CDH12: variants seen among roughly 807,000 people sequenced by gnomAD.
The protein encoded by CDH12 is cadherin-12.
CDH12 carries 41 observed loss-of-function variants against 74.1 expected under a neutral mutation model. The observed-to-expected ratio is 0.55, with a 90% CI of 0.43 to 0.72. The LOEUF (loss-of-function observed/expected upper bound fraction) is 0.72, where lower values mean the gene tolerates loss of function less well. Among genes scored for constraint, CDH12 ranks in the 30% least tolerant of loss-of-function variants. The probability of loss-of-function intolerance (pLI) is 0.00; values close to 1 mark genes in which losing one functional copy is unlikely to be tolerated. For missense variants in CDH12, 945 were observed against 977.2 expected, an observed-to-expected ratio of 0.97 and a Z score of 0.44; for synonymous variants, 399 against 355.0, an observed-to-expected ratio of 1.12 and a Z score of -1.39.
chr5:22,023,577 C>CTA (rs1186675387), intron 5 of CDH12, among the ~76,000 whole-genome samples: 31 of 149,076 alleles, frequency 2.1e-4, no homozygotes, highest in African/African-American at 7.2e-4. Flanking sequence ...TATTCTCTCT[C>CTA]TCTATATATA....
intron 1 of CDH12, among the ~76,000 whole-genome samples, chr5:22,667,050 C>T (rs773137987): frequency 2.0e-5 from 3 of 152,168 alleles, no homozygotes; most frequent in Non-Finnish European, 2.9e-5. Context: ...AGGATCCTTG[C>T]ACACATTAGT....
intron 9 of CDH12, among the ~76,000 whole-genome samples, chr5:21,804,651 C>G (rs1400707411): frequency 1.0e-5 from 1 of 98,344 alleles, no homozygotes; most frequent in Admixed American, 1.0e-4. Context: ...AAAACACACA[C>G]ACACACACAC....
intron 3 of CDH12, among the ~76,000 whole-genome samples, chr5:22,331,732 T>C (rs1335024076): frequency 6.6e-6 from 1 of 152,200 alleles, no homozygotes; most frequent in Non-Finnish European, 1.5e-5. Context: ...TCACAATAGC[T>C]GTTTTGATGA....
chr5:22,807,070 T>G (rs1218694553), intron 1 of CDH12, among the ~76,000 whole-genome samples: 1 of 152,220 alleles, frequency 6.6e-6, no homozygotes, highest in East Asian at 1.9e-4. Flanking sequence ...TGAATGGTAT[T>G]GCCTAGATTT....
chr5:22,256,442 C>A (rs1368018337), intron 3 of CDH12, among the ~76,000 whole-genome samples: 3 of 152,080 alleles, frequency 2.0e-5, no homozygotes, highest in Non-Finnish European at 4.4e-5. Context: ...ATAGCACATG[C>A]AATTATGTAC....
At chr5:22,443,475 A>G (rs769081950) in intron 2 of CDH12, among the ~76,000 whole-genome samples, 6 of 152,110 alleles carry the variant, frequency 3.9e-5, no homozygotes, top group Non-Finnish European at 7.4e-5. Context: ...ACAGCTGTCA[A>G]TTGGGTGGTA....
chr5:21,903,521 G>T (rs952458532), intron 6 of CDH12, among the ~76,000 whole-genome samples: 3 of 152,066 alleles, frequency 2.0e-5, no homozygotes, highest in African/African-American at 7.2e-5. Flanking sequence ...CTTAAAGGGG[G>T]AAAAGAGTGT....
At chr5:22,610,337 T>G (rs192146693) in intron 1 of CDH12, among the ~76,000 whole-genome samples, 1 of 152,174 alleles carries the variant, frequency 6.6e-6, no homozygotes, top group South Asian at 2.1e-4. Flanking sequence ...TTCCATTGAG[T>G]CTTCACATAT....
intron 4 of CDH12, among the ~76,000 whole-genome samples, chr5:22,160,555 G>A (rs1045970923): frequency 3.3e-5 from 5 of 152,124 alleles, no homozygotes; most frequent in Admixed American, 3.3e-4. Context: ...CATTCAGGCT[G>A]CTATAACTAA....
At chr5:22,563,018 A>G (rs1293856407) in intron 1 of CDH12, among the ~76,000 whole-genome samples, 1 of 147,644 alleles carries the variant, frequency 6.8e-6, no homozygotes, top group Non-Finnish European at 1.5e-5. Flanking sequence ...ATATATTTCT[A>G]TATTTAAATG....
At chr5:22,277,110 C>T (rs1465235803) in intron 3 of CDH12, among the ~76,000 whole-genome samples, 6 of 152,136 alleles carry the variant, frequency 3.9e-5, no homozygotes, top group Non-Finnish European at 8.8e-5. Flanking sequence ...TTTTGTGCCG[C>T]CTGTGGCAGT....
rs114214231 is a variant in CDH12 at position 22,434,660 on chromosome 5, T to C, written c.-427-29309A>G. ...ATGCACAATCTTGCAGACTTTTATA[T>C]AACGTCATTTTAATGCAGGGGCTAT... On this transcript the variant is annotated intron_variant, in intron 2 of 14. Transcript: ENST00000382254. Among the ~76,000 whole-genome samples, 776 of 152,278 alleles carry C rather than the reference T, an allele frequency of 5.1e-3. 10 individuals carry two copies. Among genetic ancestry groups the C allele is most frequent in the African/African-American group, 0.018 (743 of 41,572 alleles).
chr5:22,092,282 T>C (rs977012854), intron 4 of CDH12, among the ~76,000 whole-genome samples: 9 of 151,996 alleles, frequency 5.9e-5, no homozygotes, highest in Non-Finnish European at 8.8e-5. Context: ...TTTAGGAAAA[T>C]TAGCAATTTC....
intron 5 of CDH12, among the ~76,000 whole-genome samples, chr5:22,003,824 CA>C (rs775995801): frequency 0.02 from 956 of 47,380 alleles, 1 homozygote; most frequent in African/African-American, 0.041. Context: ...CCCGCTTCCA[CA>C]AAAAAAAAAA....
intron 3 of CDH12, among the ~76,000 whole-genome samples, chr5:22,370,501 A>C (rs1741236912): frequency 6.6e-6 from 1 of 152,212 alleles, no homozygotes; most frequent in Non-Finnish European, 1.5e-5. Flanking sequence ...AATAATTTAT[A>C]ACACATAGGT....
chr5:21,965,349 G>A (rs1047981621), intron 6 of CDH12, among the ~76,000 whole-genome samples: 3 of 151,846 alleles, frequency 2.0e-5, no homozygotes, highest in Non-Finnish European at 2.9e-5. Context: ...TGGTTATTCC[G>A]GCTGCCACCA....
chr5:21,789,106 CTAAAT>C (rs1345493230), intron 10 of CDH12, among the ~76,000 whole-genome samples: 4 of 151,854 alleles, frequency 2.6e-5, no homozygotes, highest in Non-Finnish European at 4.4e-5. Context: ...CACATTCATA[CTAAAT>C]TAGAGTAAAA....
At chr5:22,275,226 T>C (rs549430455) in intron 3 of CDH12, among the ~76,000 whole-genome samples, 2 of 152,096 alleles carry the variant, frequency 1.3e-5, no homozygotes, top group Admixed American at 6.5e-5. Flanking sequence ...CAAACCACCA[T>C]GGCACATGTA....
chr5:22,247,824 A>G (rs1753006364), intron 3 of CDH12, among the ~76,000 whole-genome samples: 1 of 152,194 alleles, frequency 6.6e-6, no homozygotes, highest in Non-Finnish European at 1.5e-5. Context: ...AAGGAGCAAA[A>G]GTCACATGTA....
Sources: gnomAD v4.1 joint callset for allele counts (sites outside exome capture counted in the v4.1 genomes callset) on GRCh38, gnomAD v4.1.1 for gene constraint, MANE v1.5 for transcripts, NCBI Gene and HGNC (gene_info 2026-07-23, HGNC 2026-07-21) for gene names.